SLC39A11: variants seen among roughly 807,000 people sequenced by gnomAD.
SLC39A11 encodes the protein zinc transporter ZIP11.
In SLC39A11, 33 loss-of-function variants were observed where a neutral mutation model predicts 36.1. That is an observed-to-expected ratio of 0.91 (90% CI 0.69 to 1.22). The LOEUF (loss-of-function observed/expected upper bound fraction) is 1.22. Among genes scored for constraint, SLC39A11 ranks in the 50% most tolerant of loss-of-function variants. The pLI is 0.00. For synonymous variants in SLC39A11, 166 were observed against 170.3 expected (o/e 0.97, Z 0.20); for missense variants, 432 against 430.3 (o/e 1.00, Z -0.03).
At chr17:72,738,272 G>A (rs1043142514) in intron 6 of SLC39A11, among the ~76,000 whole-genome samples, 1 of 152,174 alleles carries the variant, frequency 6.6e-6, no homozygotes, top group African/African-American at 2.4e-5. Context: ...CCAAAGTGCT[G>A]GGATTACAGG....
At chr17:72,675,628 G>A (rs2144228125) in intron 7 of SLC39A11, among the ~76,000 whole-genome samples, 1 of 152,304 alleles carries the variant, frequency 6.6e-6, no homozygotes, top group African/African-American at 2.4e-5. Flanking sequence ...CTGAGAACTT[G>A]GGTCTCTAGT....
intron 3 of SLC39A11, among the ~76,000 whole-genome samples, chr17:73,083,433 G>A (rs4969059): frequency 0.8 from 121,123 of 152,120 alleles, 48,319 homozygotes; most frequent in East Asian, 0.87. Context: ...TTTCCAGATC[G>A]CAGGGCTATA....
intron 6 of SLC39A11, among the ~76,000 whole-genome samples, chr17:72,757,945 G>A (rs2075423688): frequency 6.6e-6 from 1 of 152,136 alleles, no homozygotes; most frequent in Non-Finnish European, 1.5e-5. Flanking sequence ...GAGTGCAGTG[G>A]CGTGATCTCG....
chr17:72,943,196 T>A (rs1201714913), intron 5 of SLC39A11, among the ~76,000 whole-genome samples: 1 of 152,150 alleles, frequency 6.6e-6, no homozygotes, highest in Admixed American at 6.5e-5. Flanking sequence ...GGGTTGCTGA[T>A]CCGGGGTTGG....
At chr17:72,987,141 T>A (rs2088824381) in intron 4 of SLC39A11, among the ~76,000 whole-genome samples, 1 of 152,198 alleles carries the variant, frequency 6.6e-6, no homozygotes, top group South Asian at 2.1e-4. Flanking sequence ...AAGATCCTGC[T>A]AGTTCTTTTG....
intron 5 of SLC39A11, among the ~76,000 whole-genome samples, chr17:72,850,996 G>A (rs947097725): frequency 2.0e-5 from 3 of 151,964 alleles, no homozygotes; most frequent in Non-Finnish European, 2.9e-5. Flanking sequence ...CACGTGATGC[G>A]CGAGCAGCTC....
chr17:73,003,792 TA>T (rs892844641), intron 4 of SLC39A11, among the ~76,000 whole-genome samples: 5 of 152,002 alleles, frequency 3.3e-5, no homozygotes, highest in African/African-American at 1.2e-4. Context: ...GCTGCCACTA[TA>T]AAATGCCACA....
chr17:72,929,198 T>G (rs2084233905), intron 5 of SLC39A11, among the ~76,000 whole-genome samples: 1 of 152,152 alleles, frequency 6.6e-6, no homozygotes, highest in South Asian at 2.1e-4. Context: ...CTACCCTATC[T>G]GCTCCCTTGT....
chr17:73,002,275 A>G lies in SLC39A11; in HGVS notation c.306+29281T>C, dbSNP rs1395902450. Among the ~76,000 whole-genome samples, 3 of 152,162 alleles carry G rather than the reference A, an allele frequency of 2.0e-5. No individual in the cohort carries two copies. In the East Asian group the frequency reaches 5.8e-4, roughly 29 times the overall value. On this transcript the variant is annotated intron_variant, in intron 4 of 9. Coordinates refer to ENST00000255559, the MANE Select transcript of SLC39A11 (RefSeq NM_139177.4). Reference sequence around the variant, plus strand: ...ACATGGCAGCTCATTTAATCCTTATAACAATTCCTATGAAGTAGGTATTGG... The same window carrying G: ...ACATGGCAGCTCATTTAATCCTTATGACAATTCCTATGAAGTAGGTATTGG...
chr17:72,751,057 G>A (rs1381148030), intron 6 of SLC39A11, among the ~76,000 whole-genome samples: 1 of 152,158 alleles, frequency 6.6e-6, no homozygotes, highest in Non-Finnish European at 1.5e-5. Flanking sequence ...GATCAGCCTG[G>A]CCAACATGGC....
chr17:72,868,322 C>T (rs1486943342), intron 5 of SLC39A11, among the ~76,000 whole-genome samples: 3 of 151,952 alleles, frequency 2.0e-5, no homozygotes, highest in Admixed American at 6.6e-5. Flanking sequence ...GTTGGTATAA[C>T]TTTAACCTTA....
At chr17:72,750,501 G>A (rs1048969222) in intron 6 of SLC39A11, among the ~76,000 whole-genome samples, 4 of 94,834 alleles carry the variant, frequency 4.2e-5, no homozygotes, top group Non-Finnish European at 6.7e-5. Context: ...AAAACTGGAG[G>A]AAAGGATTTT....
intron 7 of SLC39A11, among the ~76,000 whole-genome samples, chr17:72,695,125 CG>C (rs1451844654): frequency 1.3e-5 from 2 of 152,046 alleles, no homozygotes; most frequent in Admixed American, 1.3e-4. Flanking sequence ...AGGGTAGAAA[CG>C]GGAAGTCTGT....
Position 72,983,156 on chromosome 17 carries a change from G to GT in SLC39A11, c.307-35282dup, listed in dbSNP as rs71359752. Among the ~76,000 whole-genome samples, 328 of 146,514 alleles carry GT rather than the reference G, an allele frequency of 2.2e-3. 1 individual carries two copies. The highest frequency in any genetic ancestry group is 8.9e-3 in the South Asian group (41 of 4,624). On this transcript the variant is annotated intron_variant, in intron 4 of 9. Transcript: ENST00000255559. ...GTTTTTTGTTTGTTTATTTGTTTTT[G>GT]TTTTTTTTTTTGAGACCAAGTCTCA... is the stretch of plus-strand genomic sequence containing the variant.
At chr17:72,729,414 T>C (rs1280345383) in intron 7 of SLC39A11, among the ~76,000 whole-genome samples, 1 of 2,076 alleles carries the variant, frequency 4.8e-4, no homozygotes, top group Non-Finnish European at 9.2e-4. Flanking sequence ...TTTATATATA[T>C]ATATATATAT....
intron 4 of SLC39A11, among the ~76,000 whole-genome samples, chr17:73,030,178 T>A (rs2058694529): frequency 6.6e-6 from 1 of 152,158 alleles, no homozygotes; most frequent in Non-Finnish European, 1.5e-5. Context: ...AAGATAAAGC[T>A]CACTTGGCAG....
intron 6 of SLC39A11, among the ~76,000 whole-genome samples, chr17:72,743,485 G>A (rs2074802265): frequency 6.6e-6 from 1 of 152,206 alleles, no homozygotes; most frequent in Admixed American, 6.5e-5. Flanking sequence ...CAGGTCTGCA[G>A]TGGCCCTGGC....
At chr17:73,083,415 G>A (rs936966328) in intron 3 of SLC39A11, among the ~76,000 whole-genome samples, 3 of 152,192 alleles carry the variant, frequency 2.0e-5, no homozygotes, top group African/African-American at 4.8e-5. Flanking sequence ...TCCACCTCCA[G>A]GCTAGTTTTT....
At chr17:72,717,284 C>A in intron 7 of SLC39A11, among the ~76,000 whole-genome samples, 1 of 152,044 alleles carries the variant, frequency 6.6e-6, no homozygotes, top group East Asian at 1.9e-4. Flanking sequence ...ACAGAGAAGA[C>A]GCCGATGGAG....
Sources: gnomAD v4.1 joint callset for allele counts (sites outside exome capture counted in the v4.1 genomes callset) on GRCh38, gnomAD v4.1.1 for gene constraint, MANE v1.5 for transcripts, NCBI Gene and HGNC (gene_info 2026-07-23, HGNC 2026-07-21) for gene names.